Variants in TNRC6A observed in about 807,000 individuals in gnomAD.
TNRC6A encodes trinucleotide repeat containing adaptor 6A.
In TNRC6A, 44 loss-of-function variants were observed where a neutral mutation model predicts 221.2. The observed-to-expected ratio is 0.20, with a 90% CI of 0.16 to 0.26. TNRC6A has a LOEUF of 0.26. Ranked by LOEUF, TNRC6A falls within the 10% of genes least tolerant of loss-of-function variation. The pLI is 1.00. For missense variants in TNRC6A, 2,199 were observed against 2,404.4 expected, an observed-to-expected ratio of 0.91 and a Z score of 1.79; for synonymous variants, 847 against 838.5, an observed-to-expected ratio of 1.01 and a Z score of -0.18.
chr16:24,647,304 C>T (rs1902346338), intron 2 of TNRC6A, among the ~76,000 whole-genome samples: 2 of 152,142 alleles, frequency 1.3e-5, no homozygotes, highest in Admixed American at 6.6e-5. Flanking sequence ...TTTTTACCAT[C>T]TTTCCATTAA....
At chr16:24,734,988 A>G in intron 2 of TNRC6A, among the ~76,000 whole-genome samples, 1 of 152,248 alleles carries the variant, frequency 6.6e-6, no homozygotes, top group East Asian at 1.9e-4. Flanking sequence ...TATATTAGAA[A>G]TGACTAGGAC....
intron 2 of TNRC6A, among the ~76,000 whole-genome samples, chr16:24,668,493 C>T (rs1368758955): frequency 1.3e-5 from 2 of 152,064 alleles, no homozygotes; most frequent in Non-Finnish European, 2.9e-5. Context: ...TCGGCTCTAC[C>T]CGACTTCCCC....
chr16:24,627,600 C>T (rs574250170), intron 1 of TNRC6A, among the ~76,000 whole-genome samples: 1 of 152,000 alleles, frequency 6.6e-6, no homozygotes, highest in African/African-American at 2.4e-5. Flanking sequence ...TTTCTCTACC[C>T]TGGTTCTGCC....
intron 1 of TNRC6A, among the ~76,000 whole-genome samples, chr16:24,637,406 T>C (rs956624947): frequency 6.6e-6 from 1 of 152,154 alleles, no homozygotes; most frequent in African/African-American, 2.4e-5. Context: ...CTGGATGCCA[T>C]GCGGAGGTCA....
rs565220816 is a variant in TNRC6A, at chr16:24,806,757, A to G, written c.4513A>G (p.Ile1505Val). ...TPELQKGPSP[I>V]NAFSNFPIGL... ...TGAGCTGCAAAAAGGGCCATCACCA[A>G]TAAATGCTTTCAGCAACTTCCCTAT... The change falls in exon 17 of 25, where the codon ATA becomes GTA. Residue 1505 changes from isoleucine (I) to valine (V), a missense_variant. Ile to Val is a conservative substitution (Grantham distance 29, BLOSUM62 3). Transcript: ENST00000395799. 468 of 1,614,210 alleles carry G rather than the reference A, an allele frequency of 2.9e-4. 8 individuals are homozygous for G. The South Asian group carries it at 4.9e-3, about 17-fold the overall frequency.
intron 2 of TNRC6A, among the ~76,000 whole-genome samples, chr16:24,723,616 T>C (rs1333766579): frequency 6.7e-6 from 1 of 149,396 alleles, no homozygotes. Flanking sequence ...AGTCAGTGGC[T>C]AGAAGTTGTG....
Position 24,698,082 on chromosome 16 carries a change from C to T in TNRC6A, n.403-52644C>T, listed in dbSNP as rs547625688. On this transcript the variant is annotated intron_variant and non_coding_transcript_variant, in intron 2 of 2. Coordinates refer to the TNRC6A transcript ENST00000566108. ...GTAGCTCATGCCTATAATCCCAGCA[C>T]TTTGAGGGGCCGAGGCAGGAGGACC... Among the ~76,000 whole-genome samples the T allele has an allele frequency of 4.8e-4, 72 of 150,770 alleles. 1 individual carries two copies. Among genetic ancestry groups the T allele is most frequent in the African/African-American group, 1.5e-3 (62 of 41,130 alleles).
chr16:24,660,138 T>C (rs1209274019), intron 2 of TNRC6A, among the ~76,000 whole-genome samples: 1 of 152,100 alleles, frequency 6.6e-6, no homozygotes, highest in Non-Finnish European at 1.5e-5. Context: ...CATGAGTAAG[T>C]TCTTTAGTGG....
At position 24,791,447 on chromosome 16, in the gene TNRC6A, A is replaced by C. The variant is rs778336800; in HGVS notation, c.2805A>C (p.Gly935=). The C allele has an allele frequency of 2.0e-6, 3 of 1,532,844 alleles. No individual in the cohort carries two copies. Among genetic ancestry groups the C allele is most frequent in the Non-Finnish European group, 8.7e-7 (1 of 1,143,280 alleles). 95.0% of individuals were successfully genotyped at this position (1,532,844 alleles called of 1,614,324 possible). A position where few individuals can be genotyped will look rare whatever the true frequency, so the allele number is the denominator to read the frequency against. The change falls in exon 6 of 25, where the codon GGA becomes GGC. Residue 935 remains glycine (G), a synonymous_variant. Coordinates refer to ENST00000395799, the MANE Select transcript of TNRC6A (RefSeq NM_014494.4). The part of the protein sequence containing the change: ...PPKSNQSLGW[G]DSSKPVSSPD... ...AGTCTAATCAGTCTCTAGGTTGGGGAGATTCGTCAAAGCCAGTCAGCTCTC... is the reference window on the plus strand; with the variant it reads ...AGTCTAATCAGTCTCTAGGTTGGGGCGATTCGTCAAAGCCAGTCAGCTCTC...
chr16:24,751,534 T>C (rs977704157), intron 3 of TNRC6A, among the ~76,000 whole-genome samples: 3 of 152,172 alleles, frequency 2.0e-5, no homozygotes, highest in African/African-American at 4.8e-5. Flanking sequence ...ACCAAACAAT[T>C]GTATTAGTAT....
chr16:24,675,659 ACTCTCTCTCTCTCT>A (rs71381700), intron 2 of TNRC6A, among the ~76,000 whole-genome samples: 18 of 37,552 alleles, frequency 4.8e-4, no homozygotes, highest in Non-Finnish European at 5.7e-4. Flanking sequence ...CCAGCCAGAG[ACTCTCTCTCTCTCT>A]CTCTCTCTCT....
At chr16:24,806,445 G>A (rs1362995155) in intron 16 of TNRC6A, 129 bp from the exon 17 acceptor site, 1 of 1,360,078 alleles carries the variant, frequency 7.4e-7, no homozygotes, top group Non-Finnish European at 1.0e-6. Context: ...TGAGTTATGT[G>A]AACATTATAC....
intron 2 of TNRC6A, among the ~76,000 whole-genome samples, chr16:24,740,279 T>G (rs1332916530): frequency 6.6e-6 from 1 of 152,204 alleles, no homozygotes; most frequent in African/African-American, 2.4e-5. Context: ...TTTTTAAAGA[T>G]TGCATTGACT....
chr16:24,822,213 C>A, intron 23 of TNRC6A, 66 bp downstream of exon 23: 2 of 1,524,572 alleles, frequency 1.3e-6, no homozygotes, highest in Non-Finnish European at 1.8e-6. Flanking sequence ...AGGTTCGGGT[C>A]TGTATGTGAG....
At chr16:24,755,032 A>G (rs1046405204) in intron 3 of TNRC6A, among the ~76,000 whole-genome samples, 4 of 152,220 alleles carry the variant, frequency 2.6e-5, no homozygotes, top group Admixed American at 2.6e-4. Flanking sequence ...TAACATGACC[A>G]GGCCTGAGTT....
At chr16:24,730,853 C>T (rs1309992819) in intron 2 of TNRC6A, among the ~76,000 whole-genome samples, 1 of 145,944 alleles carries the variant, frequency 6.9e-6, no homozygotes, top group African/African-American at 2.5e-5. Context: ...TTCGAAACTC[C>T]ATTTCTGTCC....
intron 1 of TNRC6A, among the ~76,000 whole-genome samples, chr16:24,623,709 A>G (rs1900802697): frequency 6.6e-6 from 1 of 151,804 alleles, no homozygotes; most frequent in South Asian, 2.1e-4. Context: ...CGGGCAATAT[A>G]GTGAGACCTC....
intron 2 of TNRC6A, among the ~76,000 whole-genome samples, chr16:24,718,808 G>C (rs564478127): frequency 1.3e-5 from 2 of 151,964 alleles, no homozygotes; most frequent in Non-Finnish European, 2.9e-5. Context: ...AGGCTGAGGC[G>C]GGCGGATCAC....
Position 24,789,611 on chromosome 16 carries a change from A to G in TNRC6A, c.969A>G (p.Thr323=), listed in dbSNP as rs766537295. 9.3e-6 allele frequency: 15 copies of G among 1,614,082 alleles called. No homozygotes were observed. The highest frequency in any genetic ancestry group is 7.7e-5 in the South Asian group (7 of 91,068). The change falls in exon 6 of 25, where the codon ACA becomes ACG. Residue 323 remains threonine, a synonymous_variant. Transcript: ENST00000395799. The stretch of plus-strand genomic sequence containing the variant: ...TTTCCCATGGAGCCATAATAAGCAC[A>G]TGTCAGGTCTCTGTGGATGCTCCTG... ...WGFSHGAIIS[T]CQVSVDAPES...
Sources: allele counts gnomAD v4.1 joint callset (sites outside exome capture counted in the v4.1 genomes callset), GRCh38; gene constraint gnomAD v4.1.1; transcripts MANE v1.5; gene names NCBI Gene and HGNC (gene_info 2026-07-23, HGNC 2026-07-21).